Variants in P4HA1 observed in about 807,000 individuals in gnomAD.
P4HA1 encodes the protein prolyl 4-hydroxylase subunit alpha-1.
Under a neutral mutation model 72.8 loss-of-function variants are expected in P4HA1, and 24 were observed. The observed-to-expected ratio is 0.33, with a 90% CI of 0.24 to 0.46. The LOEUF (loss-of-function observed/expected upper bound fraction) is 0.46. Among genes scored for constraint, P4HA1 ranks in the 20% least tolerant of loss-of-function variants. The pLI is 1.00. For synonymous variants in P4HA1, 201 were observed against 218.8 expected (o/e 0.92, Z 0.72); for missense variants, 446 against 640.6 (o/e 0.70, Z 3.28).
At chr10:73,052,595 T>A (rs1841046031) in intron 6 of P4HA1, among the ~76,000 whole-genome samples, 2 of 152,224 alleles carry the variant, frequency 1.3e-5, no homozygotes, top group South Asian at 4.1e-4. Flanking sequence ...TATCTTGATT[T>A]ATTATTACCC....
chr10:73,013,856 A>C (rs1223223945), intron 12 of P4HA1, among the ~76,000 whole-genome samples: 1 of 152,156 alleles, frequency 6.6e-6, no homozygotes, highest in Admixed American at 6.5e-5. Context: ...TACTTCAATA[A>C]AAAAATGTAA....
chr10:73,014,594 T>G (rs758148784), intron 11 of P4HA1, among the ~76,000 whole-genome samples: 14 of 152,160 alleles, frequency 9.2e-5, no homozygotes, highest in Non-Finnish European at 2.1e-4. Context: ...ATGACTGAAC[T>G]TGTATACTGG....
intron 9 of P4HA1, among the ~76,000 whole-genome samples, chr10:73,043,727 T>C (rs12255388): frequency 0.026 from 3,898 of 152,252 alleles, 166 homozygotes; most frequent in African/African-American, 0.087. Context: ...CCCATAACCA[T>C]GTTTATTAGT....
intron 5 of P4HA1, among the ~76,000 whole-genome samples, chr10:73,056,829 G>T: frequency 6.6e-6 from 1 of 150,936 alleles, no homozygotes; most frequent in Admixed American, 6.6e-5. Flanking sequence ...GGGAGGCTGA[G>T]GCAGGCGGAT....
At chr10:73,013,336 G>A (rs1238346709) in intron 12 of P4HA1, among the ~76,000 whole-genome samples, 6 of 152,150 alleles carry the variant, frequency 3.9e-5, no homozygotes, top group Non-Finnish European at 8.8e-5. Flanking sequence ...ACAATACCAT[G>A]TACTTTTGCA....
At chr10:73,013,741 T>G (rs1839957430) in intron 12 of P4HA1, among the ~76,000 whole-genome samples, 1 of 152,138 alleles carries the variant, frequency 6.6e-6, no homozygotes, top group Non-Finnish European at 1.5e-5. Flanking sequence ...ATAGGGTTTC[T>G]GGGGGTTGTA....
chr10:73,019,331 A>C (rs1325318145), intron 10 of P4HA1, among the ~76,000 whole-genome samples: 1 of 152,182 alleles, frequency 6.6e-6, no homozygotes, highest in Non-Finnish European at 1.5e-5. Context: ...GTTCCACTAG[A>C]TGCACAGACA....
chr10:73,094,200 A>AAGGGT (rs1842114140), intron 1 of P4HA1, among the ~76,000 whole-genome samples: 1 of 152,042 alleles, frequency 6.6e-6, no homozygotes, highest in Non-Finnish European at 1.5e-5. Context: ...CTAACAACCT[A>AAGGGT]TTAACTTTTG....
intron 1 of P4HA1, among the ~76,000 whole-genome samples, chr10:73,087,272 T>A (rs61662398): frequency 0.061 from 9,112 of 148,928 alleles, 843 homozygotes; most frequent in African/African-American, 0.2. Context: ...GCCTTTATTT[T>A]TTTTTTTTTT....
At position 73,008,157 on chromosome 10, in the gene P4HA1, A is replaced by T. The variant is rs1410997331; in HGVS notation, c.*65T>A. 3.2e-6 allele frequency: 3 copies of T among 950,144 alleles called. No homozygotes were observed. Among genetic ancestry groups the T allele is most frequent in the East Asian group, 4.8e-5 (2 of 41,278 alleles). 58.9% of individuals were successfully genotyped at this position (950,144 alleles called of 1,614,324 possible). On this transcript the variant is annotated 3_prime_UTR_variant, in exon 15 of 15. Transcript: ENST00000394890. ...CAATTGTAAACTCCTGAAAGTTAAG[A>T]CTAGGAAATGTGTATATCAGACACA...
chr10:73,092,657 C>G (rs2133172674), intron 1 of P4HA1, among the ~76,000 whole-genome samples: 1 of 142,626 alleles, frequency 7.0e-6, no homozygotes, highest in South Asian at 2.3e-4. Flanking sequence ...CATGCCTGGG[C>G]AACATAGTAA....
chr10:73,069,041 A>T (rs1006684598), intron 4 of P4HA1, 58 bp from the exon 5 acceptor site: 276 of 1,281,432 alleles, frequency 2.2e-4, no homozygotes, highest in Middle Eastern at 1.9e-4. Flanking sequence ...CTTCCCATAA[A>T]GAGACTTAAT....
At chr10:73,062,532 G>A (rs1401095524) in intron 5 of P4HA1, among the ~76,000 whole-genome samples, 1 of 152,184 alleles carries the variant, frequency 6.6e-6, no homozygotes, top group African/African-American at 2.4e-5. Flanking sequence ...GTCAAAGACA[G>A]ACTAGCCTAC....
chr10:73,013,417 G>T (rs1839949704), intron 12 of P4HA1, among the ~76,000 whole-genome samples: 1 of 152,184 alleles, frequency 6.6e-6, no homozygotes, highest in Non-Finnish European at 1.5e-5. Context: ...ACATGTATTG[G>T]CCAGACTTTA....
chr10:73,023,830 G>T (rs992243832), intron 10 of P4HA1, among the ~76,000 whole-genome samples: 1 of 150,178 alleles, frequency 6.7e-6, no homozygotes, highest in African/African-American at 2.5e-5. Flanking sequence ...AAAAAGCAGC[G>T]GCTGCAATCC....
chr10:73,056,039 T>C (rs1310265043), intron 5 of P4HA1, among the ~76,000 whole-genome samples: 1 of 152,224 alleles, frequency 6.6e-6, no homozygotes. Flanking sequence ...ACTGGTAACT[T>C]TGCTTTTAAG....
At chr10:73,010,650 C>T (rs1454458252) in intron 13 of P4HA1, among the ~76,000 whole-genome samples, 1 of 152,120 alleles carries the variant, frequency 6.6e-6, no homozygotes. Flanking sequence ...GGGAGGATCA[C>T]TTGAGCCCAA....
At chr10:73,074,572 CTG>C (rs958612587) in intron 2 of P4HA1, among the ~76,000 whole-genome samples, 2 of 152,042 alleles carry the variant, frequency 1.3e-5, no homozygotes, top group Non-Finnish European at 2.9e-5. Context: ...ACTTGTATAT[CTG>C]TGCACTGAAA....
chr10:73,084,307 T>C (rs1841881814), intron 1 of P4HA1, among the ~76,000 whole-genome samples: 1 of 152,198 alleles, frequency 6.6e-6, no homozygotes, highest in Non-Finnish European at 1.5e-5. Context: ...AGACTAATTG[T>C]ATTGTTTGGG....
Sources: allele counts gnomAD v4.1 joint callset (sites outside exome capture counted in the v4.1 genomes callset), GRCh38; gene constraint gnomAD v4.1.1; transcripts MANE v1.5; gene names NCBI Gene and HGNC (gene_info 2026-07-23, HGNC 2026-07-21).